The following SMC1A variants were observed in gnomAD, a reference collection of about 807,000 sequenced individuals.
The protein encoded by SMC1A is structural maintenance of chromosomes 1A, also known as structural maintenance of chromosomes protein 1A.
A neutral mutation model predicts 94.5 loss-of-function variants in SMC1A; 4 were observed. That is an observed-to-expected ratio of 0.04 (90% CI 0.02 to 0.10). The LOEUF (loss-of-function observed/expected upper bound fraction) is 0.10. SMC1A is among the 10% of genes least tolerant of loss of function. SMC1A has a pLI of 1.00. For missense variants in SMC1A, 304 were observed against 989.0 expected (o/e 0.31, Z 9.29); for synonymous variants, 345 against 347.7 (o/e 0.99, Z 0.09).
intron 9 of SMC1A, among the ~76,000 whole-genome samples, chrX:53,406,977 C>T (rs782453818): frequency 1.6e-4 from 18 of 112,338 alleles, no homozygotes; most frequent in Non-Finnish European, 3.2e-4. Flanking sequence ...GGATTACAGG[C>T]GTGAGCTACC....
At chrX:53,412,474 A>G (rs1358254756) in intron 5 of SMC1A, among the ~76,000 whole-genome samples, 1 of 112,444 alleles carries the variant, frequency 8.9e-6, no homozygotes, top group Non-Finnish European at 1.9e-5. Flanking sequence ...CCATAAGGCA[A>G]AGCTACCAAC....
rs191404896 is a variant in SMC1A at position 53,396,684 on chromosome X, C to T, written c.2563-67G>A. 5.0e-5 allele frequency: 56 copies of T among 1,111,050 alleles called. 1 individual carries two copies. In the African/African-American group the frequency reaches 8.7e-4, roughly 17 times the overall value. 91.6% of individuals were successfully genotyped at this position (1,111,050 alleles called of 1,213,427 possible). ...CCCCATCTTACCCTGGGATATTCTC[C>T]TGCTCCCACCCTTCCTACTAGGCAG... On this transcript the variant is annotated intron_variant, in intron 16 of 24. Coordinates refer to ENST00000322213, the MANE Select transcript of SMC1A (RefSeq NM_006306.4).
chrX:53,403,001 C>T (rs1428988133), intron 15 of SMC1A, among the ~76,000 whole-genome samples: 1 of 100,698 alleles, frequency 9.9e-6, no homozygotes, highest in Non-Finnish European at 2.0e-5. Flanking sequence ...AACCCCATCT[C>T]TACAATAACA....
chrX:53,403,330 G>C (rs1470040519), intron 15 of SMC1A, among the ~76,000 whole-genome samples: 1 of 110,513 alleles, frequency 9.0e-6, no homozygotes, highest in Admixed American at 9.8e-5. Flanking sequence ...AAGATAACGA[G>C]TTGTGGAGCT....
chrX:53,401,063 T>C (rs994186755), intron 15 of SMC1A, among the ~76,000 whole-genome samples: 1 of 111,105 alleles, frequency 9.0e-6, no homozygotes. Flanking sequence ...CTGTTCTCTC[T>C]GCTTGGAATT....
Position 53,377,826 on chromosome X carries a change from G to A in SMC1A, c.*2277C>T, listed in dbSNP as rs1271661052. The A allele has an allele frequency of 8.9e-6, 1 of 112,152 alleles. No homozygotes were observed. The highest frequency in any genetic ancestry group is 1.9e-5 in the Non-Finnish European group (1 of 53,237). The allele number at this position is 112,152 out of a possible 1,213,427, so 9.2% of individuals were successfully genotyped here. A position where few individuals can be genotyped will look rare whatever the true frequency, so the allele number is the denominator to read the frequency against. ...GATGTGGAAACTTAGGCTCAGAGGT[G>A]AAGTAACTTGCACAAGTTTCTACAG... On this transcript the variant is annotated 3_prime_UTR_variant, in exon 25 of 25. Transcript: ENST00000322213.
At chrX:53,404,577 T>G (rs1227919613) in intron 13 of SMC1A, among the ~76,000 whole-genome samples, 1 of 110,041 alleles carries the variant, frequency 9.1e-6, no homozygotes, top group Non-Finnish European at 1.9e-5. Context: ...CACTGCAACC[T>G]CCACCTCCCG....
intron 7 of SMC1A, among the ~76,000 whole-genome samples, chrX:53,410,942 A>AAAAAAAAAAAAAAAAAAAAAAAAAAC (rs2075709809): frequency 1.1e-5 from 1 of 93,955 alleles, no homozygotes; most frequent in African/African-American, 3.9e-5. Context: ...AAAAAAAAAA[A>AAAAAAAAAAAAAAAAAAAAAAAAAAC]AAAGTAGCCA....
intron 16 of SMC1A, among the ~76,000 whole-genome samples, chrX:53,398,959 G>T (rs1329699738): frequency 9.0e-6 from 1 of 111,543 alleles, no homozygotes; most frequent in Non-Finnish European, 1.9e-5. Context: ...TCGTCTCCTG[G>T]CCAGGCACGG....
rs1396180639 is a variant in SMC1A, at chrX:53,379,855, G to A, written c.*248C>T. The A allele has an allele frequency of 2.3e-6, 1 of 427,139 alleles. No individual in the cohort carries two copies. The highest frequency in any genetic ancestry group is 2.5e-5 in the African/African-American group (1 of 40,481). The allele number at this position is 427,139 out of a possible 1,213,427, so 35.2% of individuals were successfully genotyped here. A position where few individuals can be genotyped will look rare whatever the true frequency, so the allele number is the denominator to read the frequency against. On this transcript the variant is annotated 3_prime_UTR_variant, in exon 25 of 25. Transcript: ENST00000322213. ...TGAGGGGGAGGAAGGGGGTGTGTGT[G>A]ATGAACAGATGGCCCTGTTCAGCTC... is the stretch of plus-strand genomic sequence containing the variant.
Position 53,422,460 on chromosome X carries a change from C to T in SMC1A, c.109+32G>A, listed in dbSNP as rs782617556. 23 of 980,973 alleles carry T rather than the reference C, an allele frequency of 2.3e-5. No individual in the cohort carries two copies. The Middle Eastern group carries it at 4.5e-3, about 192-fold the overall frequency. The allele number at this position is 980,973 out of a possible 1,213,427, so 80.8% of individuals were successfully genotyped here. On this transcript the variant is annotated intron_variant, in intron 1 of 24. Transcript: ENST00000322213. The stretch of plus-strand genomic sequence containing the variant: ...ACCGGATAAGGGGTCCAGGCCGGGA[C>T]GTGCGCAGGGCCGCGGCCAGGTTTA...
chrX:53,407,625 T>C (rs782257790), intron 9 of SMC1A, among the ~76,000 whole-genome samples: 2 of 111,606 alleles, frequency 1.8e-5, no homozygotes, highest in African/African-American at 3.3e-5. Flanking sequence ...AGACTTGCAA[T>C]TGGCACCTGA....
rs1273874101 is a variant in SMC1A, at chrX:53,382,673, A to C, written c.3131-13T>G. ...GCTGCTTCAAACTCTGCCAGAAAGAAAGACAGGAGACCCCTCAGTGCCCTG... is the reference window on the plus strand; with the variant it reads ...GCTGCTTCAAACTCTGCCAGAAAGACAGACAGGAGACCCCTCAGTGCCCTG... On this transcript the variant is annotated splice_polypyrimidine_tract_variant and intron_variant, in intron 20 of 24. Transcript: ENST00000322213. 2.1e-5 allele frequency: 26 copies of C among 1,211,063 alleles called. No individual in the cohort carries two copies. The highest frequency in any genetic ancestry group is 2.9e-5 in the Non-Finnish European group (26 of 895,319).
At position 53,402,868 on chromosome X, in the gene SMC1A, C is replaced by CAAAAAAAAAAAAA. The variant is rs151144282; in HGVS notation, c.2420+685_2420+697dup. On this transcript the variant is annotated intron_variant, in intron 15 of 24. Transcript: ENST00000322213. ...TGGGCGACAGAGCAAGACTCTGTCT[C>CAAAAAAAAAAAAA]AAAAAAAAAAAAAAAAAGGGCCGGC... Among the ~76,000 whole-genome samples the CAAAAAAAAAAAAA allele has an allele frequency of 8.2e-3, 83 of 10,075 alleles. 24 individuals carry two copies. Among genetic ancestry groups the CAAAAAAAAAAAAA allele is most frequent in the African/African-American group, 0.032 (43 of 1,336 alleles). The allele number at this position is 10,075 out of a possible 115,157, so 8.7% of individuals were successfully genotyped here. A position where few individuals can be genotyped will look rare whatever the true frequency, so the allele number is the denominator to read the frequency against.
intron 19 of SMC1A, 39 bp from the exon 20 acceptor site, chrX:53,383,292 G>T: frequency 8.7e-7 from 1 of 1,152,132 alleles, no homozygotes. Context: ...GAAGGGCCTG[G>T]CCCCTGTGCC....
chrX:53,415,763 G>C (rs981332263), intron 1 of SMC1A, among the ~76,000 whole-genome samples: 1 of 103,838 alleles, frequency 9.6e-6, no homozygotes, highest in African/African-American at 3.6e-5. Flanking sequence ...GAGCTCAAGA[G>C]TTCAAAGCTG....
chrX:53,403,171 CAAAAAAAAAAA>C (rs59213412), intron 15 of SMC1A, among the ~76,000 whole-genome samples: 1 of 30,040 alleles, frequency 3.3e-5, no homozygotes, highest in African/African-American at 1.6e-4. Flanking sequence ...GATCCTGTGT[CAAAAAAAAAAA>C]AAAAAAAAAA....
At chrX:53,422,129 G>C (rs2075760727) in intron 1 of SMC1A, 1 of 1,040,705 alleles carries the variant, frequency 9.6e-7, no homozygotes. Context: ...AGTAAGGCTG[G>C]GAAGCCGGCT....
chrX:53,390,487 CA>C (rs1157579546), intron 19 of SMC1A, among the ~76,000 whole-genome samples: 81 of 94,725 alleles, frequency 8.6e-4, no homozygotes, highest in Non-Finnish European at 5.1e-4. Context: ...GACTCTATCT[CA>C]AAAAAAAAAA....
Sources: allele counts gnomAD v4.1 joint callset (sites outside exome capture counted in the v4.1 genomes callset), GRCh38; gene constraint gnomAD v4.1.1; transcripts MANE v1.5; gene names NCBI Gene and HGNC (gene_info 2026-07-23, HGNC 2026-07-21).